The following SPTB variants were observed in gnomAD, a reference collection of about 807,000 sequenced individuals.
SPTB encodes the protein spectrin beta, erythrocytic.
Under a neutral mutation model 256.2 loss-of-function variants are expected in SPTB, and 45 were observed. The observed-to-expected ratio is 0.18, with a 90% CI of 0.14 to 0.23. SPTB has a LOEUF of 0.23. Ranked by LOEUF, SPTB falls within the 10% of genes least tolerant of loss-of-function variation. SPTB has a pLI of 1.00. For synonymous variants in SPTB, 1,231 were observed against 1,243.1 expected, an observed-to-expected ratio of 0.99 and a Z score of 0.21; for missense variants, 2,715 against 3,040.4, an observed-to-expected ratio of 0.89 and a Z score of 2.52.
intron 2 of SPTB, among the ~76,000 whole-genome samples, chr14:64,815,654 C>A (rs1432846199): frequency 1.3e-5 from 2 of 152,318 alleles, no homozygotes; most frequent in East Asian, 3.9e-4. Context: ...TTGGCCTCAG[C>A]CTAGGTGATG....
chr14:64,781,267 T>A (rs547521884), intron 20 of SPTB, among the ~76,000 whole-genome samples: 1 of 152,222 alleles, frequency 6.6e-6, no homozygotes, highest in African/African-American at 2.4e-5. Flanking sequence ...CAAAAGAAAC[T>A]ATCAACAGAG....
Position 64,779,253 on chromosome 14 carries a change from A to G in SPTB, c.4474-7T>C. On this transcript the variant is annotated splice_region_variant and splice_polypyrimidine_tract_variant and intron_variant, in intron 21 of 35. Coordinates refer to ENST00000644917, the MANE Select transcript of SPTB (RefSeq NM_001355436.2). This position sits in a 1 kb window ranked among gnomAD's most constrained non-coding sequence, Gnocchi z 4.2. ...GCCTCTCCTCCACCCAAAGCTGCAG[A>G]GACCAGGAGGCAGGAGAGAGCTGAT... 6.2e-7 allele frequency: 1 copy of G among 1,611,528 alleles called. No individual in the cohort carries two copies. The highest frequency in any genetic ancestry group is 8.5e-7 in the Non-Finnish European group (1 of 1,178,190).
rs1369428660 is a variant in SPTB at position 64,825,752 on chromosome 14, G to T, written c.-51-2607C>A. Among the ~76,000 whole-genome samples, 2 of 152,232 alleles carry T rather than the reference G, an allele frequency of 1.3e-5. No homozygotes were observed. Among genetic ancestry groups the T allele is most frequent in the Admixed American group, 1.3e-4 (2 of 15,286 alleles). ...ACCTTTGCCATGGCTCCGTAAATAA[G>T]TCTGCCCCAGAAAGATGAGCCTGAG... is the stretch of plus-strand genomic sequence containing the variant. On this transcript the variant is annotated intron_variant, in intron 1 of 35. Coordinates refer to ENST00000644917, the MANE Select transcript of SPTB (RefSeq NM_001355436.2). This position sits in a 1 kb window ranked among gnomAD's most constrained non-coding sequence, Gnocchi z 4.8.
intron 1 of SPTB, among the ~76,000 whole-genome samples, chr14:64,851,484 T>TAGCAGC (rs1216200774): frequency 1.3e-5 from 2 of 152,026 alleles, no homozygotes; most frequent in Non-Finnish European, 2.9e-5. Context: ...GTAGTAGCAG[T>TAGCAGC]AGCAGCAGCA....
In SPTB at chr14:64,785,993, A is replaced by C. The variant is rs1329724500; in HGVS notation, c.3562-42T>G. Reference sequence around the variant, plus strand: ...CCAGACAAGGCATGAAGACACACGGAGGAGGTGATGAGCACACCTCCCAAG... The same window carrying C: ...CCAGACAAGGCATGAAGACACACGGCGGAGGTGATGAGCACACCTCCCAAG... On this transcript the variant is annotated intron_variant, in intron 16 of 35. Transcript: ENST00000644917. This position sits in a 1 kb window ranked among gnomAD's most constrained non-coding sequence, Gnocchi z 4.4. 1.8e-5 allele frequency: 29 copies of C among 1,604,534 alleles called. No homozygotes were observed. The highest frequency in any genetic ancestry group is 2.3e-5 in the Non-Finnish European group (27 of 1,173,616).
intron 15 of SPTB, among the ~76,000 whole-genome samples, chr14:64,788,298 G>A (rs909086118): frequency 4.6e-5 from 7 of 152,196 alleles, no homozygotes; most frequent in Non-Finnish European, 1.0e-4. Flanking sequence ...TTTGTACCCT[G>A]CCTCAGGGGA....
chr14:64,786,370 G>T lies in SPTB; in HGVS notation c.3561+34C>A. The T allele has an allele frequency of 6.2e-7, 1 of 1,613,052 alleles. No homozygotes were observed. Among genetic ancestry groups the T allele is most frequent in the Non-Finnish European group, 8.5e-7 (1 of 1,179,974 alleles). The stretch of plus-strand genomic sequence containing the variant: ...CACCACAAGAGCTACTGCCCTGAGA[G>T]ACCCGCCTGTCCCAGCCCTGAATGC... On this transcript the variant is annotated intron_variant, in intron 16 of 35. Transcript: ENST00000644917. This position sits in a 1 kb window ranked among gnomAD's most constrained non-coding sequence, Gnocchi z 5.6.
chr14:64,781,239 T>G (rs544335608), intron 20 of SPTB, among the ~76,000 whole-genome samples: 5 of 152,236 alleles, frequency 3.3e-5, no homozygotes, highest in African/African-American at 1.2e-4. Context: ...CTAATTAAAC[T>G]TAAGAGCTTC....
At chr14:64,763,305 C>T (rs1028848457) in intron 32 of SPTB, among the ~76,000 whole-genome samples, 5 of 152,226 alleles carry the variant, frequency 3.3e-5, no homozygotes, top group African/African-American at 9.6e-5. Flanking sequence ...AGGGCTCCCT[C>T]GCAGACCTGG....
intron 32 of SPTB, among the ~76,000 whole-genome samples, chr14:64,762,898 C>T (rs1303986524): frequency 6.6e-6 from 1 of 152,228 alleles, no homozygotes; most frequent in Non-Finnish European, 1.5e-5. Context: ...ACACAGTGAG[C>T]CCTAGCAAAG....
At chr14:64,798,944 TATGTGTGC>T (rs2082827768) in intron 9 of SPTB, among the ~76,000 whole-genome samples, 1 of 152,242 alleles carries the variant, frequency 6.6e-6, no homozygotes, top group African/African-American at 2.4e-5. Flanking sequence ...TGTATGTGTG[TATGTGTGC>T]ATGTTTGTGT....
At chr14:64,788,294 C>A (rs754174440) in intron 15 of SPTB, among the ~76,000 whole-genome samples, 2 of 152,188 alleles carry the variant, frequency 1.3e-5, no homozygotes, top group Non-Finnish European at 2.9e-5. Context: ...CATCTTTGTA[C>A]CCTGCCTCAG....
intron 32 of SPTB, chr14:64,755,850 A>G (rs912558372): frequency 6.6e-6 from 1 of 152,206 alleles, no homozygotes; most frequent in Non-Finnish European, 1.5e-5. Flanking sequence ...AGCAAAGGAG[A>G]AATTCCTACG....
rs2139511447 is a variant in SPTB, at chr14:64,774,497, G to C, written c.4873C>G (p.Arg1625Gly). 4 of 1,555,184 alleles carry C rather than the reference G, an allele frequency of 2.6e-6. No individual in the cohort carries two copies. The highest frequency in any genetic ancestry group is 3.5e-6 in the Non-Finnish European group (4 of 1,149,040). ...ACCGCACGCTGCTGCCGCAAATGTCGCTTCAGCATCACAATGGCGCCCTCT... is the reference window on the plus strand; with the variant it reads ...ACCGCACGCTGCTGCCGCAAATGTCCCTTCAGCATCACAATGGCGCCCTCT... Reference protein sequence around the residue: ...DEEGAIVMLKRHLRQQRAVED... With the variant: ...DEEGAIVMLKGHLRQQRAVED... Residue 1625 changes from arginine to glycine, a missense_variant, in exon 24 of 36, where the codon CGA becomes GGA. Arg to Gly is a moderately radical substitution (Grantham distance 125, BLOSUM62 -2). Transcript: ENST00000644917.
At chr14:64,856,185 G>T (rs548381458) in intron 1 of SPTB, among the ~76,000 whole-genome samples, 45 of 152,360 alleles carry the variant, frequency 3.0e-4, no homozygotes, top group African/African-American at 9.4e-4. Context: ...ACAAAGCACA[G>T]TAAGGCCCAG....
chr14:64,784,343 A>G lies in SPTB; in HGVS notation c.3906T>C (p.Tyr1302=), dbSNP rs758978025. ...TATTGTGAAGGTTTCGTGCTTCATC[A>G]TAGGAGACATCCTGAGATGTCAGCA... ...DKLLTSQDVS[Y]DEARNLHNKW... is the part of the protein sequence containing the mutation. Residue 1302 remains tyrosine, a synonymous_variant, in exon 19 of 36, where the codon TAT becomes TAC. Coordinates refer to ENST00000644917, the MANE Select transcript of SPTB (RefSeq NM_001355436.2). 6.2e-7 allele frequency: 1 copy of G among 1,614,250 alleles called. No homozygotes were observed. Among genetic ancestry groups the G allele is most frequent in the Admixed American group, 1.7e-5 (1 of 60,032 alleles).
At chr14:64,850,225 C>T (rs1356245603) in intron 1 of SPTB, among the ~76,000 whole-genome samples, 3 of 152,206 alleles carry the variant, frequency 2.0e-5, no homozygotes, top group Admixed American at 1.3e-4. Context: ...ATGCCTTACT[C>T]AGTGCATCAC....
Position 64,749,898 on chromosome 14 carries a change from G to C in SPTB, c.6776+83C>G. Reference sequence around the variant, plus strand: ...GAGGAGCAGCTCAGGCCTGGCACTGGTCCCCTACAGAGGGCCTCTGCCCTG... The same window carrying C: ...GAGGAGCAGCTCAGGCCTGGCACTGCTCCCCTACAGAGGGCCTCTGCCCTG... On this transcript the variant is annotated intron_variant, in intron 34 of 35. Transcript: ENST00000644917. This position sits in a 1 kb window ranked among gnomAD's most constrained non-coding sequence, Gnocchi z 4.7. The C allele has an allele frequency of 6.3e-7, 1 of 1,579,444 alleles. No homozygotes were observed. The highest frequency in any genetic ancestry group is 8.7e-7 in the Non-Finnish European group (1 of 1,149,140).
chr14:64,772,499 T>C lies in SPTB; in HGVS notation c.5553+81A>G, dbSNP rs935533998. On this transcript the variant is annotated intron_variant, in intron 26 of 35. Transcript: ENST00000644917. This position sits in a 1 kb window ranked among gnomAD's most constrained non-coding sequence, Gnocchi z 5.4. The stretch of plus-strand genomic sequence containing the variant: ...CTCCTGGCACTTATCCTAGAGGTTT[T>C]CCTGCTGACAGCCAGGTGGGGACTG... 1.9e-6 allele frequency: 3 copies of C among 1,566,786 alleles called. No homozygotes were observed. The highest frequency in any genetic ancestry group is 1.7e-6 in the Non-Finnish European group (2 of 1,163,158).
Sources: gnomAD v4.1 joint callset for allele counts (sites outside exome capture counted in the v4.1 genomes callset) on GRCh38, gnomAD v4.1.1 for gene constraint, Gnocchi (gnomAD v3.1) non-coding constraint, MANE v1.5 for transcripts, NCBI Gene and HGNC (gene_info 2026-07-23, HGNC 2026-07-21) for gene names.